Variants in CYP4F8 observed in about 807,000 individuals in gnomAD.
CYP4F8 encodes cytochrome P450 family 4 subfamily F member 8, also known as cytochrome P450 4F8.
CYP4F8 carries 56 observed loss-of-function variants against 55.0 expected under a neutral mutation model. That is an observed-to-expected ratio of 1.02 (90% CI 0.82 to 1.27). CYP4F8 has a LOEUF of 1.27. Among genes scored for constraint, CYP4F8 ranks in the 50% most tolerant of loss-of-function variants. The probability of loss-of-function intolerance (pLI) is 0.00; values close to 1 mark genes in which losing one functional copy is unlikely to be tolerated. For synonymous variants in CYP4F8, 288 were observed against 267.3 expected (o/e 1.08, Z -0.76); for missense variants, 680 against 682.4 (o/e 1.00, Z 0.04).
chr19:15,617,973 A>G, intron 2 of CYP4F8, 27 bp from the exon 3 acceptor site: 1 of 1,609,764 alleles, frequency 6.2e-7, no homozygotes, highest in Non-Finnish European at 8.5e-7. Flanking sequence ...TGGACACAGG[A>G]GGTGATGGCC....
rs1393698342 is a variant in CYP4F8 at position 15,622,301 on chromosome 19, T to C, written c.608T>C (p.Leu203Pro). The C allele has an allele frequency of 2.5e-6, 4 of 1,610,750 alleles. No individual in the cohort carries two copies. Among genetic ancestry groups the C allele is most frequent in the Non-Finnish European group, 3.4e-6 (4 of 1,178,776 alleles). ...ATCAGCCTTATGACCCTGGACAGTC[T>C]GCAGAAATGCATCTTCAGCTTTGAC... ...EHISLMTLDSLQKCIFSFDSN... is the reference protein window; with the variant it reads ...EHISLMTLDSPQKCIFSFDSN... Residue 203 changes from leucine to proline, a missense_variant, in exon 6 of 13, where the codon CTG (leucine) becomes CCG (proline). Leu to Pro is a moderately conservative substitution (Grantham distance 98). Transcript: ENST00000612078.
In CYP4F8 at chr19:15,628,593, G is replaced by A. The variant is rs1454933994; in HGVS notation, c.1312G>A (p.Glu438Lys). Residue 438 changes from glutamate to lysine, a missense_variant and splice_region_variant, in exon 11 of 13, where the codon GAG (glutamate) becomes AAG (lysine). Physicochemically the swap from Glu to Lys is moderately conservative, Grantham distance 56. Coordinates refer to ENST00000612078, the MANE Select transcript of CYP4F8 (RefSeq NM_007253.4). The part of the protein sequence containing the change: ...HHNPSVWPDP[E>K]VYDPFRFDPE... ...CAACCCCTCAGTCTGGCCAGACCCT[G>A]AGGTGCTGCCCCTCCCTGTTTCTCC... is the stretch of plus-strand genomic sequence containing the variant. 6.8e-6 allele frequency: 11 copies of A among 1,613,572 alleles called. No homozygotes were observed. Among genetic ancestry groups the A allele is most frequent in the Non-Finnish European group, 9.3e-6 (11 of 1,179,742 alleles).
chr19:15,623,602 A>T, intron 7 of CYP4F8, 97 bp from the exon 8 acceptor site: 1 of 1,421,336 alleles, frequency 7.0e-7, no homozygotes, highest in Non-Finnish European at 9.6e-7. Context: ...GGAGGTGACA[A>T]GGGAGGGATC....
At chr19:15,626,968 G>A (rs2144611431) in intron 9 of CYP4F8, among the ~76,000 whole-genome samples, 1 of 152,274 alleles carries the variant, frequency 6.6e-6, no homozygotes, top group Non-Finnish European at 1.5e-5. Flanking sequence ...TTCTCCAGGG[G>A]CGTGTGGACC....
intron 6 of CYP4F8, 146 bp downstream of exon 6, chr19:15,622,486 G>T: frequency 8.4e-7 from 1 of 1,196,720 alleles, no homozygotes; most frequent in South Asian, 1.6e-5. Context: ...GAAGGAGAGA[G>T]AGAGAGAGCG....
chr19:15,618,414 C>A (rs1409060253), intron 3 of CYP4F8: 1 of 564,944 alleles, frequency 1.8e-6, no homozygotes, highest in Non-Finnish European at 3.3e-6. Flanking sequence ...GAGGAATCCC[C>A]AAACTTGAAG....
At chr19:15,622,485 A>C (rs1486135941) in intron 6 of CYP4F8, 145 bp downstream of exon 6, 1 of 1,232,542 alleles carries the variant, frequency 8.1e-7, no homozygotes, top group Non-Finnish European at 1.1e-6. Context: ...AGAAGGAGAG[A>C]GAGAGAGAGC....
Position 15,619,723 on chromosome 19 carries a change from C to T in CYP4F8, c.486C>T (p.Pro162=), listed in dbSNP as rs751028928. The T allele has an allele frequency of 3.7e-6, 6 of 1,614,186 alleles. No individual in the cohort carries two copies. The East Asian group carries it at 1.3e-4, about 36-fold the overall frequency. ...CCTTCCATTTCAACATCCTGAAGCC[C>T]TATATAAAGATTTTCAGCAAGAGTG... ...TPAFHFNILK[P]YIKIFSKSAN... The change falls in exon 5 of 13, where the codon CCC becomes CCT. Residue 162 remains proline, a synonymous_variant. Transcript: ENST00000612078.
chr19:15,618,253 C>G, intron 3 of CYP4F8, 109 bp downstream of exon 3: 1 of 1,514,338 alleles, frequency 6.6e-7, no homozygotes, highest in South Asian at 1.1e-5. Context: ...CCCTTCCTTC[C>G]TGCTTCTCTC....
chr19:15,629,534 T>A lies in CYP4F8; in HGVS notation c.*176T>A. ...GCCTGGCTGGGAAGAGGCGGGGAGA[T>A]GTCTCTGTGCCCAAGATACTCACTG... On this transcript the variant is annotated 3_prime_UTR_variant, in exon 13 of 13. Coordinates refer to ENST00000612078, the MANE Select transcript of CYP4F8 (RefSeq NM_007253.4). 7 of 900,200 alleles carry A rather than the reference T, an allele frequency of 7.8e-6. No individual in the cohort carries two copies. Among genetic ancestry groups the A allele is most frequent in the Non-Finnish European group, 1.1e-5 (7 of 626,920 alleles). 55.8% of individuals were successfully genotyped at this position (900,200 alleles called of 1,614,324 possible).
chr19:15,617,974 G>A (rs1230695207), intron 2 of CYP4F8, 26 bp from the exon 3 acceptor site: 11 of 1,610,086 alleles, frequency 6.8e-6, no homozygotes, highest in Non-Finnish European at 9.3e-6. Context: ...GGACACAGGA[G>A]GTGATGGCCC....
chr19:15,624,021 C>A lies in CYP4F8; in HGVS notation c.1042C>A (p.Pro348Thr), dbSNP rs1349206248. ...GGTCTTGTACAACCTCGCGAGGCAC[C>A]CAGAATACCAAGAACGCTGCCGGCA... ...SWVLYNLARH[P>T]EYQERCRQEV... The change falls in exon 9 of 13, where the codon CCA (proline) becomes ACA (threonine). Residue 348 changes from proline to threonine, a missense_variant. By Grantham distance (38) the Pro-to-Thr change is conservative. Transcript: ENST00000612078. 3.7e-6 allele frequency: 6 copies of A among 1,614,040 alleles called. No individual in the cohort carries two copies. The highest frequency in any genetic ancestry group is 4.2e-6 in the Non-Finnish European group (5 of 1,180,040).
intron 5 of CYP4F8, 89 bp downstream of exon 5, chr19:15,619,851 G>A: frequency 6.6e-7 from 1 of 1,513,128 alleles, no homozygotes; most frequent in Non-Finnish European, 8.9e-7. Context: ...TCTCCTGGGT[G>A]GGTTTGGGGC....
rs2144608083 is a variant in CYP4F8 at position 15,623,781 on chromosome 19, T to C, written c.985+16T>C. 1 of 1,613,042 alleles carries C rather than the reference T, an allele frequency of 6.2e-7. No individual in the cohort carries two copies. The highest frequency in any genetic ancestry group is 8.5e-7 in the Non-Finnish European group (1 of 1,179,966). ...ATGTTTGGAGGTGAGTGTCCCAGTCTGGGGCTACAGTGGGGACAGGGGTCT... is the reference window on the plus strand; with the variant it reads ...ATGTTTGGAGGTGAGTGTCCCAGTCCGGGGCTACAGTGGGGACAGGGGTCT... On this transcript the variant is annotated intron_variant, in intron 8 of 12. Coordinates refer to ENST00000612078, the MANE Select transcript of CYP4F8 (RefSeq NM_007253.4).
chr19:15,619,805 G>A (rs763624589), intron 5 of CYP4F8, 43 bp downstream of exon 5: 5 of 1,604,622 alleles, frequency 3.1e-6, no homozygotes, highest in Admixed American at 3.4e-5. Flanking sequence ...GCCTTGGGGT[G>A]GAGGGATCAC....
chr19:15,623,771 T>C lies in CYP4F8; in HGVS notation c.985+6T>C. ...TGACACTTTCATGTTTGGAGGTGAG[T>C]GTCCCAGTCTGGGGCTACAGTGGGG... On this transcript the variant is annotated splice_donor_region_variant and intron_variant, in intron 8 of 12. Coordinates refer to ENST00000612078, the MANE Select transcript of CYP4F8 (RefSeq NM_007253.4). 6.2e-7 allele frequency: 1 copy of C among 1,613,158 alleles called. No individual in the cohort carries two copies. The highest frequency in any genetic ancestry group is 1.1e-5 in the South Asian group (1 of 91,036).
intron 8 of CYP4F8, 82 bp from the exon 9 acceptor site, chr19:15,623,883 G>A: frequency 1.3e-6 from 2 of 1,596,488 alleles, no homozygotes; most frequent in South Asian, 2.2e-5. Flanking sequence ...CAACCTTCCT[G>A]AGAGCCTCAA....
Position 15,629,765 on chromosome 19 carries a change from G to A in CYP4F8, c.*407G>A, listed in dbSNP as rs1457318205. The A allele has an allele frequency of 6.1e-6, 1 of 163,574 alleles. No individual in the cohort carries two copies. Among genetic ancestry groups the A allele is most frequent in the African/African-American group, 2.4e-5 (1 of 41,778 alleles). 10.1% of individuals were successfully genotyped at this position (163,574 alleles called of 1,614,324 possible). ...TTGAAGCTCAATTGGTTAAGTGACT[G>A]TGGCTGTCCCATGTGTAGAAGCCAA... On this transcript the variant is annotated 3_prime_UTR_variant, in exon 13 of 13. Transcript: ENST00000612078.
At chr19:15,623,868 C>T in intron 8 of CYP4F8, 97 bp from the exon 9 acceptor site, 1 of 1,595,278 alleles carries the variant, frequency 6.3e-7, no homozygotes, top group Non-Finnish European at 8.6e-7. Context: ...ACCTCCCCCT[C>T]CCCTCAACCT....
Sources: allele counts gnomAD v4.1 joint callset (sites outside exome capture counted in the v4.1 genomes callset), GRCh38; gene constraint gnomAD v4.1.1; transcripts MANE v1.5; gene names NCBI Gene and HGNC (gene_info 2026-07-23, HGNC 2026-07-21).